ASIC2: variants seen among roughly 807,000 people sequenced by gnomAD.
The protein encoded by ASIC2 is acid-sensing ion channel 2.
ASIC2 carries 25 observed loss-of-function variants against 57.3 expected under a neutral mutation model. The observed-to-expected ratio is 0.44, with a 90% CI of 0.32 to 0.61. The LOEUF (loss-of-function observed/expected upper bound fraction) is 0.61. Among genes scored for constraint, ASIC2 ranks in the 20% least tolerant of loss-of-function variants. The pLI, the probability that ASIC2 is intolerant of heterozygous loss-of-function variation, is 0.06. For synonymous variants in ASIC2, 319 were observed against 307.5 expected (o/e 1.04, Z -0.39); for missense variants, 641 against 738.1 (o/e 0.87, Z 1.52).
intron 1 of ASIC2, among the ~76,000 whole-genome samples, chr17:33,828,740 G>A (rs187321291): frequency 6.6e-6 from 1 of 152,156 alleles, no homozygotes; most frequent in Admixed American, 6.5e-5. Flanking sequence ...TTCCACTTTG[G>A]TGTTTCATTG....
At chr17:33,117,843 T>G (rs2141993681) in intron 1 of ASIC2, among the ~76,000 whole-genome samples, 1 of 152,364 alleles carries the variant, frequency 6.6e-6, no homozygotes, top group East Asian at 1.9e-4. Context: ...GTTATTTAAG[T>G]TATGAAGACG....
At chr17:33,532,857 G>A (rs1378211778) in intron 1 of ASIC2, among the ~76,000 whole-genome samples, 1 of 152,196 alleles carries the variant, frequency 6.6e-6, no homozygotes, top group Non-Finnish European at 1.5e-5. Flanking sequence ...GGGACTGGTG[G>A]CAATTTGGGG....
chr17:33,835,619 G>A (rs1913250012), intron 1 of ASIC2, among the ~76,000 whole-genome samples: 1 of 152,120 alleles, frequency 6.6e-6, no homozygotes, highest in Non-Finnish European at 1.5e-5. Context: ...AATTTCTAAT[G>A]TTAGAGCTGG....
At chr17:33,451,333 A>G (rs1360241333) in intron 1 of ASIC2, among the ~76,000 whole-genome samples, 1 of 152,108 alleles carries the variant, frequency 6.6e-6, no homozygotes, top group Non-Finnish European at 1.5e-5. Context: ...TGGGATTTAC[A>G]GGCATGAGCT....
At chr17:33,836,730 G>A (rs1254445226) in intron 1 of ASIC2, among the ~76,000 whole-genome samples, 1 of 152,044 alleles carries the variant, frequency 6.6e-6, no homozygotes, top group Non-Finnish European at 1.5e-5. Context: ...GCATGCGCCT[G>A]TAATCCCAGC....
intron 1 of ASIC2, among the ~76,000 whole-genome samples, chr17:33,312,969 T>C (rs924389079): frequency 1.3e-5 from 2 of 152,140 alleles, no homozygotes; most frequent in Non-Finnish European, 2.9e-5. Flanking sequence ...AAACTCACGA[T>C]CTTCCATATT....
At chr17:33,714,105 A>C (rs1282686734) in intron 1 of ASIC2, among the ~76,000 whole-genome samples, 1 of 152,136 alleles carries the variant, frequency 6.6e-6, no homozygotes, top group Admixed American at 6.5e-5. Context: ...TGTTGTTTGA[A>C]TATAACTCTT....
intron 1 of ASIC2, among the ~76,000 whole-genome samples, chr17:33,949,095 T>C (rs1219815113): frequency 6.6e-6 from 1 of 152,222 alleles, no homozygotes; most frequent in African/African-American, 2.4e-5. Flanking sequence ...CTTTTGATTT[T>C]TTTTTTCAAC....
At chr17:33,921,473 G>A (rs1717392565) in intron 1 of ASIC2, among the ~76,000 whole-genome samples, 1 of 152,152 alleles carries the variant, frequency 6.6e-6, no homozygotes, top group Non-Finnish European at 1.5e-5. Flanking sequence ...CCAAAACAGT[G>A]TAACAGACCA....
intron 1 of ASIC2, among the ~76,000 whole-genome samples, chr17:33,949,393 A>T (rs1904488176): frequency 6.6e-6 from 1 of 152,112 alleles, no homozygotes; most frequent in South Asian, 2.1e-4. Flanking sequence ...TCCAACTCAA[A>T]TCTGCATAGC....
intron 1 of ASIC2, among the ~76,000 whole-genome samples, chr17:34,099,600 AAAG>A (rs1169325341): frequency 4.7e-5 from 7 of 149,578 alleles, no homozygotes; most frequent in African/African-American, 1.5e-4. Context: ...GAAAGAGAAA[AAAG>A]AGAGAAAGAG....
At chr17:33,404,824 A>G (rs1910410400) in intron 1 of ASIC2, among the ~76,000 whole-genome samples, 1 of 152,220 alleles carries the variant, frequency 6.6e-6, no homozygotes, top group African/African-American at 2.4e-5. Context: ...TAAAGATGAT[A>G]TAGGTATTTC....
chr17:33,215,946 G>T (rs577813512), intron 1 of ASIC2, among the ~76,000 whole-genome samples: 1 of 152,064 alleles, frequency 6.6e-6, no homozygotes, highest in Non-Finnish European at 1.5e-5. Flanking sequence ...TGATCCGCCC[G>T]CCTCGGCCTC....
At chr17:33,801,576 AG>A (rs954394364) in intron 1 of ASIC2, among the ~76,000 whole-genome samples, 56 of 152,268 alleles carry the variant, frequency 3.7e-4, no homozygotes, top group African/African-American at 1.3e-3. Context: ...TCAATAAAAC[AG>A]GGGTAAGAAA....
At chr17:33,071,857 A>C (rs1422912701) in intron 3 of ASIC2, among the ~76,000 whole-genome samples, 1 of 152,194 alleles carries the variant, frequency 6.6e-6, no homozygotes, top group Non-Finnish European at 1.5e-5. Flanking sequence ...TCCATGAATT[A>C]TGAGGGTTTC....
chr17:33,684,193 C>T (rs1002157920), intron 1 of ASIC2, among the ~76,000 whole-genome samples: 1 of 152,186 alleles, frequency 6.6e-6, no homozygotes, highest in African/African-American at 2.4e-5. Context: ...AAATTATACA[C>T]CCTGGCATGT....
intron 1 of ASIC2, among the ~76,000 whole-genome samples, chr17:33,150,411 C>T (rs1904737170): frequency 6.6e-6 from 1 of 152,134 alleles, no homozygotes; most frequent in East Asian, 1.9e-4. Context: ...TTTTTTGCCT[C>T]CAAAGGAATG....
At chr17:33,102,782 G>GTTTA (rs879748896) in intron 2 of ASIC2, among the ~76,000 whole-genome samples, 6 of 152,072 alleles carry the variant, frequency 3.9e-5, no homozygotes, top group South Asian at 2.1e-4. Context: ...TTGTTTGTTT[G>GTTTA]TTTATTTATT....
Position 33,951,376 on chromosome 17 carries a change from C to T in ASIC2, c.555+204602G>A, listed in dbSNP as rs73274602. Reference sequence around the variant, plus strand: ...GTAGAACTGAGATTTCAATCCAGGACTCTCCGACTCCAAAGTCTATGGTGA... The same window carrying T: ...GTAGAACTGAGATTTCAATCCAGGATTCTCCGACTCCAAAGTCTATGGTGA... On this transcript the variant is annotated intron_variant, in intron 1 of 9. Transcript: ENST00000359872. Among the ~76,000 whole-genome samples the T allele has an allele frequency of 2.1e-3, 320 of 152,144 alleles. 3 individuals are homozygous for T. The highest frequency in any genetic ancestry group is 7.4e-3 in the African/African-American group (308 of 41,496).
Sources: allele counts gnomAD v4.1 joint callset (sites outside exome capture counted in the v4.1 genomes callset), GRCh38; gene constraint gnomAD v4.1.1; transcripts MANE v1.5; gene names NCBI Gene and HGNC (gene_info 2026-07-23, HGNC 2026-07-21).